The following MAP2K2 variants were observed in gnomAD, a reference collection of about 807,000 sequenced individuals.
MAP2K2 encodes the protein dual specificity mitogen-activated protein kinase kinase 2.
A neutral mutation model predicts 43.7 loss-of-function variants in MAP2K2; 24 were observed. That is an observed-to-expected ratio of 0.55 (90% confidence interval 0.40 to 0.77). The LOEUF (loss-of-function observed/expected upper bound fraction) is 0.77, where lower values mean the gene tolerates loss of function less well. MAP2K2 is among the 30% of genes least tolerant of loss of function. The probability of loss-of-function intolerance (pLI) is 0.00; values close to 1 mark genes in which losing one functional copy is unlikely to be tolerated. For missense variants in MAP2K2, 470 were observed against 566.8 expected (o/e 0.83, Z 1.73); for synonymous variants, 244 against 239.7 (o/e 1.02, Z -0.17).
chr19:4,117,174 A>T (rs1327456128), intron 2 of MAP2K2, among the ~76,000 whole-genome samples: 1 of 152,176 alleles, frequency 6.6e-6, no homozygotes, highest in Non-Finnish European at 1.5e-5. Flanking sequence ...ATGGATTTCA[A>T]GTGCCCTCCA....
At chr19:4,104,634 C>T (rs1349050565) in intron 3 of MAP2K2, 1 of 152,274 alleles carries the variant, frequency 6.6e-6, no homozygotes, top group African/African-American at 2.4e-5. Context: ...AAACGCAACC[C>T]TAAAACCCCT....
At position 4,115,082 on chromosome 19, in the gene MAP2K2, T is replaced by C. The variant is rs1172895014; in HGVS notation, c.303+2337A>G. ...TTCGGGCACTTTAAAGAAAACCTAATTTTGAAAGAATTATAGAAGCACAGG... is the reference window on the plus strand; with the variant it reads ...TTCGGGCACTTTAAAGAAAACCTAACTTTGAAAGAATTATAGAAGCACAGG... On this transcript the variant is annotated intron_variant, in intron 2 of 10. Coordinates refer to ENST00000262948, the MANE Select transcript of MAP2K2 (RefSeq NM_030662.4). The surrounding 1 kb of genome is among the most constrained non-coding windows in gnomAD (Gnocchi z 4.1). Among the ~76,000 whole-genome samples, 2 of 152,110 alleles carry C rather than the reference T, an allele frequency of 1.3e-5. No individual in the cohort carries two copies. Among genetic ancestry groups the C allele is most frequent in the African/African-American group, 2.4e-5 (1 of 41,430 alleles).
At chr19:4,096,748 C>G (rs2040923747) in intron 8 of MAP2K2, among the ~76,000 whole-genome samples, 2 of 152,206 alleles carry the variant, frequency 1.3e-5, no homozygotes, top group African/African-American at 4.8e-5. Context: ...TGCAGAGACA[C>G]TGGGCCACTG....
chr19:4,098,298 G>T (rs980844609), intron 7 of MAP2K2, among the ~76,000 whole-genome samples: 1 of 152,188 alleles, frequency 6.6e-6, no homozygotes, highest in African/African-American at 2.4e-5. Context: ...ACAGCTGATG[G>T]GGACAGGGTT....
intron 7 of MAP2K2, among the ~76,000 whole-genome samples, chr19:4,098,947 G>A (rs1371166889): frequency 1.3e-5 from 2 of 152,262 alleles, no homozygotes; most frequent in African/African-American, 4.8e-5. Flanking sequence ...TGGCAAAGCT[G>A]CGCTCCCAGA....
chr19:4,106,798 C>T (rs950967914), intron 3 of MAP2K2, among the ~76,000 whole-genome samples: 5 of 152,254 alleles, frequency 3.3e-5, no homozygotes, highest in African/African-American at 1.2e-4. Context: ...TTGTGGATTT[C>T]ACTTTGCCAC....
In MAP2K2 at chr19:4,110,817, C is replaced by A. The variant is rs569029160; in HGVS notation, c.304-162G>T. ...GTGTCTGCCTAGAAGTGGACACATA[C>A]GTCCACACAGAAACGTGTCCCAAGT... On this transcript the variant is annotated intron_variant, in intron 2 of 10. Transcript: ENST00000262948. Among the ~76,000 whole-genome samples, 10 of 152,284 alleles carry A rather than the reference C, an allele frequency of 6.6e-5. No individual in the cohort carries two copies. In the South Asian group the frequency reaches 2.1e-3, roughly 32 times the overall value.
chr19:4,107,515 C>CCTTG (rs2145065238), intron 3 of MAP2K2, among the ~76,000 whole-genome samples: 1 of 124,174 alleles, frequency 8.1e-6, no homozygotes, highest in African/African-American at 3.1e-5. Context: ...CAGAGCTAGA[C>CCTTG]TCCGTCTCAA....
chr19:4,113,931 C>T (rs1485224552), intron 2 of MAP2K2, among the ~76,000 whole-genome samples: 3 of 152,224 alleles, frequency 2.0e-5, no homozygotes, highest in Non-Finnish European at 2.9e-5. Flanking sequence ...AGCTCCCAAG[C>T]TGGATGTAGC....
intron 1 of MAP2K2, among the ~76,000 whole-genome samples, 153 bp downstream of exon 1, chr19:4,123,631 A>T (rs184549718): frequency 2.4e-5 from 1 of 41,834 alleles, no homozygotes; most frequent in Non-Finnish European, 3.9e-5. Flanking sequence ...TCCCCTCGAG[A>T]ACCCCCTGCC....
chr19:4,105,708 G>A (rs560854762), intron 3 of MAP2K2, among the ~76,000 whole-genome samples: 1 of 152,118 alleles, frequency 6.6e-6, no homozygotes, highest in African/African-American at 2.4e-5. Flanking sequence ...TTTCAGGCAG[G>A]GGTCGCCCAG....
At chr19:4,111,965 C>A (rs1381410388) in intron 2 of MAP2K2, among the ~76,000 whole-genome samples, 3 of 148,846 alleles carry the variant, frequency 2.0e-5, no homozygotes, top group African/African-American at 5.2e-5. Context: ...AAAAAACCCC[C>A]AAAAAAACAA....
chr19:4,099,217 G>A lies in MAP2K2; in HGVS notation c.903C>T (p.Pro301=), dbSNP rs560316877. 3.6e-5 allele frequency: 58 copies of A among 1,601,892 alleles called. No homozygotes were observed. The highest frequency in any genetic ancestry group is 1.7e-4 in the Admixed American group (10 of 58,624). ...AGGCCGTACCGCTGACGGGGCGCCC[G>A]GGGGGCCTCGGCCGAGGCGAGATGC... is the stretch of plus-strand genomic sequence containing the variant. ...PHSISPRPRP[P]GRPVSGHGMD... is the part of the protein sequence containing the mutation. Residue 301 remains proline (P), a synonymous_variant, in exon 7 of 11, where the codon CCC becomes CCT. Transcript: ENST00000262948.
chr19:4,123,105 C>G (rs2041321795), intron 1 of MAP2K2, among the ~76,000 whole-genome samples: 1 of 151,820 alleles, frequency 6.6e-6, no homozygotes, highest in South Asian at 2.1e-4. Context: ...ACCTTTACTC[C>G]GTCCTTTCCT....
chr19:4,090,981 G>A lies in MAP2K2; in HGVS notation c.1093-273C>T, dbSNP rs140520358. ...AGCACGGCAGCCTGCGCTCCCAGGGGAGGGTCTACGCTCGCGCAAGCCCAG... is the reference window on the plus strand; with the variant it reads ...AGCACGGCAGCCTGCGCTCCCAGGGAAGGGTCTACGCTCGCGCAAGCCCAG... On this transcript the variant is annotated intron_variant, in intron 10 of 10. Transcript: ENST00000262948. 5.2e-3 allele frequency among the ~76,000 whole-genome samples: 789 copies of A among 152,346 alleles called. 6 individuals are homozygous for A. Among genetic ancestry groups the A allele is most frequent in the African/African-American group, 0.018 (746 of 41,582 alleles).
intron 8 of MAP2K2, among the ~76,000 whole-genome samples, chr19:4,096,835 G>A (rs2040925265): frequency 1.3e-5 from 2 of 152,174 alleles, no homozygotes; most frequent in Admixed American, 1.3e-4. Flanking sequence ...AGGGTGAGAG[G>A]CTGCGGTGGG....
rs1275501450 is a variant in MAP2K2, at chr19:4,090,687, A to G, written c.1114T>C (p.Ser372Pro). ...GCAAAATCCACTTCTTCCACCTCGG[A>G]CCGCTTGATGAAGGTGTGGTTCTGC... The part of the protein sequence containing the change: ...MLTNHTFIKR[S>P]EVEEVDFAGW... The change falls in exon 11 of 11, where the codon TCC becomes CCC. Residue 372 changes from serine to proline, a missense_variant. Physicochemically the swap from Ser to Pro is moderately conservative, Grantham distance 74. Transcript: ENST00000262948. The G allele has an allele frequency of 1.9e-6, 3 of 1,558,704 alleles. No homozygotes were observed. The highest frequency in any genetic ancestry group is 2.6e-6 in the Non-Finnish European group (3 of 1,151,082).
At position 4,095,448 on chromosome 19, in the gene MAP2K2, G is replaced by A. The variant is rs2040904724; in HGVS notation, c.986C>T (p.Pro329Leu). The change falls in exon 9 of 11, where the codon CCA becomes CTA. Residue 329 changes from proline (P) to leucine (L), a missense_variant and splice_region_variant. Pro to Leu is a moderately conservative substitution (Grantham distance 98). Around this residue, in one of 3 missense-constraint regions of MAP2K2, gnomAD observed 212 missense variants for 220.8 expected, o/e 0.96. Coordinates refer to ENST00000262948, the MANE Select transcript of MAP2K2 (RefSeq NM_030662.4). ...FELLDYIVNEPPPKLPNGVFT... is the reference protein window; with the variant it reads ...FELLDYIVNELPPKLPNGVFT... ...CACACCGTTGGGCAGCTTAGGAGGT[G>A]GCTGTGGAGGAGAACAGAGGGTGGG... 6.4e-7 allele frequency: 1 copy of A among 1,551,348 alleles called. No homozygotes were observed. The highest frequency in any genetic ancestry group is 8.7e-7 in the Non-Finnish European group (1 of 1,146,852).
At position 4,097,205 on chromosome 19, in the gene MAP2K2, T is replaced by TAAAAAAA. The variant is rs10681431; in HGVS notation, c.984+67_984+73dup. 1.3e-4 allele frequency: 75 copies of TAAAAAAA among 572,640 alleles called. 2 individuals carry two copies. Among genetic ancestry groups the TAAAAAAA allele is most frequent in the African/African-American group, 1.2e-3 (33 of 27,852 alleles). The allele number at this position is 572,640 out of a possible 1,614,324, so 35.5% of individuals were successfully genotyped here. A position where few individuals can be genotyped will look rare whatever the true frequency, so the allele number is the denominator to read the frequency against. ...GCTCTGGTCAGAGAGAGACTCTGCC[T>TAAAAAAA]AAAAAAAAAAAAAAAAAAAAAAAGA... On this transcript the variant is annotated intron_variant, in intron 8 of 10. Coordinates refer to ENST00000262948, the MANE Select transcript of MAP2K2 (RefSeq NM_030662.4).
Sources: gnomAD v4.1 joint callset for allele counts (sites outside exome capture counted in the v4.1 genomes callset) on GRCh38, gnomAD v4.1.1 for gene constraint, gnomAD v4.1.1 regional missense constraint, Gnocchi (gnomAD v3.1) non-coding constraint, MANE v1.5 for transcripts, NCBI Gene and HGNC (gene_info 2026-07-23, HGNC 2026-07-21) for gene names.